INO80: variants seen among roughly 807,000 people sequenced by gnomAD.
INO80 encodes the protein INO80 complex ATPase subunit.
INO80 carries 20 observed loss-of-function variants against 203.4 expected under a neutral mutation model. The observed-to-expected ratio is 0.10, with a 90% CI of 0.07 to 0.14. The LOEUF is 0.14. Among genes scored for constraint, INO80 ranks in the 10% least tolerant of loss-of-function variants. INO80 has a pLI of 1.00. For missense variants in INO80, 1,419 were observed against 1,914.4 expected, an observed-to-expected ratio of 0.74 and a Z score of 4.83; for synonymous variants, 726 against 685.2, an observed-to-expected ratio of 1.06 and a Z score of -0.93.
intron 24 of INO80, among the ~76,000 whole-genome samples, chr15:41,043,032 C>G (rs1390803266): frequency 6.6e-6 from 1 of 152,122 alleles, no homozygotes; most frequent in Non-Finnish European, 1.5e-5. Context: ...TATTTTATGA[C>G]CAGTTTCCCA....
chr15:40,985,911 A>G (rs2043726171), intron 31 of INO80, among the ~76,000 whole-genome samples: 1 of 152,198 alleles, frequency 6.6e-6, no homozygotes, highest in Non-Finnish European at 1.5e-5. Context: ...CTGTCTAAAA[A>G]AAAATTATTA....
intron 29 of INO80, among the ~76,000 whole-genome samples, chr15:40,993,369 G>C (rs995731274): frequency 6.6e-6 from 1 of 152,064 alleles, no homozygotes; most frequent in Non-Finnish European, 1.5e-5. Flanking sequence ...CTGAGAAGAA[G>C]AGAAACATAC....
At chr15:41,110,835 A>G (rs2045948891) in intron 1 of INO80, among the ~76,000 whole-genome samples, 3 of 152,260 alleles carry the variant, frequency 2.0e-5, no homozygotes, top group Non-Finnish European at 1.5e-5. Flanking sequence ...CTTTTCATCA[A>G]GATGGTGAAT....
chr15:41,037,827 C>A (rs1005187457), intron 24 of INO80, among the ~76,000 whole-genome samples: 9 of 149,620 alleles, frequency 6.0e-5, no homozygotes, highest in Non-Finnish European at 1.3e-4. Context: ...CCTGTAGTCC[C>A]AGCTACTCAG....
intron 7 of INO80, among the ~76,000 whole-genome samples, 162 bp from the exon 8 acceptor site, chr15:41,081,235 T>A (rs1456798295): frequency 1.3e-5 from 2 of 152,188 alleles, no homozygotes; most frequent in African/African-American, 4.8e-5. Context: ...CTCAACGCCA[T>A]ACATAAAACG....
chr15:41,027,553 C>A, intron 25 of INO80, 43 bp downstream of exon 25: 1 of 1,530,680 alleles, frequency 6.5e-7, no homozygotes, highest in Non-Finnish European at 8.9e-7. Flanking sequence ...GTTTATTTCT[C>A]CTATTGCCAT....
chr15:41,029,581 C>T (rs1250132271), intron 24 of INO80, among the ~76,000 whole-genome samples: 1 of 152,150 alleles, frequency 6.6e-6, no homozygotes, highest in Admixed American at 6.5e-5. Context: ...TGTTGAGGTC[C>T]CTGTCATTAC....
chr15:41,081,159 T>C, intron 7 of INO80, 86 bp from the exon 8 acceptor site: 1 of 841,680 alleles, frequency 1.2e-6, no homozygotes, highest in Non-Finnish European at 2.0e-6. Flanking sequence ...ACTCAATTCC[T>C]AGAGGGTTAG....
chr15:41,115,235 C>T (rs1465446050), intron 1 of INO80, among the ~76,000 whole-genome samples: 1 of 152,194 alleles, frequency 6.6e-6, no homozygotes, highest in Admixed American at 6.6e-5. Flanking sequence ...GCACAGTTGG[C>T]TGTTAACTAG....
rs1042517792 is a variant in INO80 at position 41,079,556 on chromosome 15, G to A, written c.1131+145C>T. 4.6e-4 allele frequency: 348 copies of A among 757,576 alleles called. 1 individual carries two copies. In the African/African-American group the frequency reaches 5.4e-3, roughly 12 times the overall value. 46.9% of individuals were successfully genotyped at this position (757,576 alleles called of 1,614,324 possible). A position where few individuals can be genotyped will look rare whatever the true frequency, so the allele number is the denominator to read the frequency against. On this transcript the variant is annotated intron_variant, in intron 9 of 35. Coordinates refer to ENST00000648947, the MANE Select transcript of INO80 (RefSeq NM_017553.3). ...GTTTGAGACCAGCCTGGGCAATGTG[G>A]AGAAACCGCATCTCTACCAAAAAAA...
intron 6 of INO80, among the ~76,000 whole-genome samples, chr15:41,085,886 G>C (rs2140640258): frequency 6.6e-6 from 1 of 152,228 alleles, no homozygotes. Context: ...CCGAGACGGA[G>C]CCTCGCCCTG....
At chr15:41,007,168 CTTTTTTTTTTTTTCTTT>C (rs2044055082) in intron 27 of INO80, among the ~76,000 whole-genome samples, 1 of 128,584 alleles carries the variant, frequency 7.8e-6, no homozygotes, top group African/African-American at 2.8e-5. Flanking sequence ...CACAGGCACT[CTTTTTTTTTTTTTCTTT>C]TTTTTTTTTT....
At chr15:41,092,895 G>A (rs150201226) in intron 4 of INO80, among the ~76,000 whole-genome samples, 72 of 152,056 alleles carry the variant, frequency 4.7e-4, no homozygotes, top group African/African-American at 1.6e-3. Context: ...CTTCTCTACA[G>A]AAAAAGACAT....
intron 26 of INO80, among the ~76,000 whole-genome samples, chr15:41,020,679 A>G (rs908431603): frequency 6.6e-6 from 1 of 151,812 alleles, no homozygotes; most frequent in African/African-American, 2.4e-5. Context: ...CTCAGCTGTA[A>G]GCATGTCAAA....
intron 22 of INO80, 49 bp from the exon 23 acceptor site, chr15:41,047,550 T>A (rs1266657861): frequency 1.5e-6 from 2 of 1,312,228 alleles, no homozygotes; most frequent in Non-Finnish European, 2.2e-6. Context: ...CAAGAGACGA[T>A]GCTCAGTTAA....
chr15:41,025,178 T>A (rs1478955927), intron 25 of INO80, among the ~76,000 whole-genome samples: 19 of 152,188 alleles, frequency 1.2e-4, no homozygotes, highest in Non-Finnish European at 2.9e-5. Context: ...TTCCTCAAGC[T>A]ACATTTACTT....
At chr15:41,052,050 G>T (rs1241279864) in intron 19 of INO80, among the ~76,000 whole-genome samples, 1 of 151,922 alleles carries the variant, frequency 6.6e-6, no homozygotes, top group East Asian at 1.9e-4. Flanking sequence ...GAGGTGGGGG[G>T]ATCCCATGAA....
At chr15:40,997,663 TAG>T (rs909668055) in intron 28 of INO80, 62 bp from the exon 29 acceptor site, 5 of 1,057,682 alleles carry the variant, frequency 4.7e-6, no homozygotes, top group African/African-American at 3.1e-5. Flanking sequence ...CATGTATCAA[TAG>T]AGAGAGATCT....
At chr15:41,067,860 C>G (rs976710473) in intron 14 of INO80, among the ~76,000 whole-genome samples, 1 of 152,188 alleles carries the variant, frequency 6.6e-6, no homozygotes, top group African/African-American at 2.4e-5. Context: ...CCTTTAGGGA[C>G]AGAACACATA....
Sources: allele counts gnomAD v4.1 joint callset (sites outside exome capture counted in the v4.1 genomes callset), GRCh38; gene constraint gnomAD v4.1.1; transcripts MANE v1.5; gene names NCBI Gene and HGNC (gene_info 2026-07-23, HGNC 2026-07-21).